The following CREBBP variants were observed in gnomAD, a reference collection of about 807,000 sequenced individuals.
CREBBP encodes CREB binding lysine acetyltransferase.
CREBBP carries 19 observed loss-of-function variants against 265.0 expected under a neutral mutation model. The ratio of observed to expected loss-of-function variants is 0.07; its 90% CI spans 0.05 to 0.11. The LOEUF (loss-of-function observed/expected upper bound fraction) is 0.11. Among genes scored for constraint, CREBBP ranks in the 10% least tolerant of loss-of-function variants. The probability of loss-of-function intolerance (pLI) is 1.00; values close to 1 mark genes in which losing one functional copy is unlikely to be tolerated. For synonymous variants in CREBBP, 1,457 were observed against 1,223.7 expected (o/e 1.19, Z -3.98); for missense variants, 2,525 against 3,219.0 (o/e 0.78, Z 5.22).
chr16:3,768,296 C>A (rs1366530223), intron 15 of CREBBP, among the ~76,000 whole-genome samples: 1 of 151,500 alleles, frequency 6.6e-6, no homozygotes, highest in Admixed American at 6.6e-5. Flanking sequence ...CACGTGTGTG[C>A]CACCACACTC....
At chr16:3,751,436 A>C (rs1346450421) in intron 20 of CREBBP, among the ~76,000 whole-genome samples, 3 of 152,118 alleles carry the variant, frequency 2.0e-5, no homozygotes, top group Non-Finnish European at 4.4e-5. Flanking sequence ...CAAAAAATAC[A>C]AAAAAATTAG....
rs757512971 is a variant in CREBBP at position 3,728,285 on chromosome 16, G to T, written c.6762C>A (p.Leu2254=). The T allele has an allele frequency of 6.2e-6, 10 of 1,612,096 alleles. No individual in the cohort carries two copies. The highest frequency in any genetic ancestry group is 3.4e-4 in the Middle Eastern group (2 of 5,930). Residue 2254 remains leucine (L), a synonymous_variant, in exon 31 of 31, where the codon CTC becomes CTA. Transcript: ENST00000262367. This position sits in a 1 kb window ranked among gnomAD's most constrained non-coding sequence, Gnocchi z 8.7. ...MQQQQRMQQH[L]PLQGSSMGQM... is the part of the protein sequence containing the mutation. ...GGCCCATGGAGCTGCCCTGGAGGGG[G>T]AGATGCTGCTGCATGCGCTGCTGCT...
At chr16:3,733,844 G>C (rs775132842) in intron 28 of CREBBP, among the ~76,000 whole-genome samples, 18 of 152,068 alleles carry the variant, frequency 1.2e-4, no homozygotes, top group Admixed American at 5.2e-4. Flanking sequence ...GTTTCACCAT[G>C]TTGGCCAAGC....
rs890004855 is a variant in CREBBP, at chr16:3,725,318, G to C, written c.*2400C>G. 5.6e-5 allele frequency: 13 copies of C among 233,184 alleles called. No homozygotes were observed. The highest frequency in any genetic ancestry group is 2.2e-4 in the African/African-American group (10 of 45,352). 14.4% of individuals were successfully genotyped at this position (233,184 alleles called of 1,614,324 possible). A position where few individuals can be genotyped will look rare whatever the true frequency, so the allele number is the denominator to read the frequency against. ...AGGATGCAGACTCCAAAGAGGATGA[G>C]GTTGGTACATAACGTTTTGAATTCC... On this transcript the variant is annotated 3_prime_UTR_variant, in exon 31 of 31. Transcript: ENST00000262367.
Position 3,850,735 on chromosome 16 carries a change from C to T in CREBBP, c.360G>A (p.Lys120=). The stretch of plus-strand genomic sequence containing the variant: ...AAGAATCTCCCTGGCTCAGAGGGCT[C>T]TTGCCCATGGCACTGAGGCTGGCCA... ...ANMASLSAMG[K]SPLSQGDSSA... is the part of the protein sequence containing the mutation. Residue 120 remains lysine (K), a synonymous_variant, in exon 2 of 31, where the codon AAG becomes AAA. Coordinates refer to ENST00000262367, the MANE Select transcript of CREBBP (RefSeq NM_004380.3). The T allele has an allele frequency of 6.2e-7, 1 of 1,614,126 alleles. No homozygotes were observed.
At chr16:3,739,796 C>A (rs2151338096) in intron 24 of CREBBP, 72 bp from the exon 25 acceptor site, 1 of 1,603,246 alleles carries the variant, frequency 6.2e-7, no homozygotes, top group Non-Finnish European at 8.5e-7. Flanking sequence ...ACCAGGCCTG[C>A]TCCTCTAACT....
At chr16:3,789,074 A>T (rs974678539) in intron 5 of CREBBP, among the ~76,000 whole-genome samples, 1 of 152,206 alleles carries the variant, frequency 6.6e-6, no homozygotes. Flanking sequence ...CTCTCAGTAG[A>T]GACATTAATC....
chr16:3,820,486 C>T (rs1046917736), intron 2 of CREBBP, among the ~76,000 whole-genome samples: 2 of 152,152 alleles, frequency 1.3e-5, no homozygotes, highest in Admixed American at 6.5e-5. Context: ...GGAAAATGTG[C>T]GGCCCCCAGG....
At chr16:3,776,002 C>T (rs991805285) in intron 11 of CREBBP, among the ~76,000 whole-genome samples, 3 of 151,998 alleles carry the variant, frequency 2.0e-5, no homozygotes, top group African/African-American at 7.3e-5. Flanking sequence ...CTGCAGCCTC[C>T]GCCTCCTGGG....
At chr16:3,785,185 A>C (rs888355382) in intron 5 of CREBBP, among the ~76,000 whole-genome samples, 12 of 152,154 alleles carry the variant, frequency 7.9e-5, no homozygotes, top group African/African-American at 2.9e-4. Flanking sequence ...CATCAACTGT[A>C]CTGCAACCTC....
intron 1 of CREBBP, among the ~76,000 whole-genome samples, chr16:3,859,036 T>TG (rs1480756488): frequency 8.5e-5 from 13 of 152,122 alleles, no homozygotes; most frequent in African/African-American, 2.9e-4. Flanking sequence ...CTATTTCCTG[T>TG]GAAAAAGGTC....
At chr16:3,831,525 A>G (rs1458831986) in intron 2 of CREBBP, among the ~76,000 whole-genome samples, 1 of 152,202 alleles carries the variant, frequency 6.6e-6, no homozygotes, top group Non-Finnish European at 1.5e-5. Flanking sequence ...AAGCCAACAT[A>G]AGCAGAAGAA....
chr16:3,837,039 C>G (rs1236540508), intron 2 of CREBBP, among the ~76,000 whole-genome samples: 2 of 152,314 alleles, frequency 1.3e-5, no homozygotes, highest in African/African-American at 4.8e-5. Context: ...GTATTTACTA[C>G]ACTTATTAGA....
chr16:3,811,639 G>T (rs1043962430), intron 2 of CREBBP, among the ~76,000 whole-genome samples: 3 of 152,000 alleles, frequency 2.0e-5, no homozygotes, highest in Non-Finnish European at 2.9e-5. Flanking sequence ...CTACAGGCAC[G>T]TGCCACCAGG....
Position 3,738,603 on chromosome 16 carries a change from G to A in CREBBP, c.4350C>T (p.Tyr1450=), listed in dbSNP as rs144832179. 1.6e-4 allele frequency: 257 copies of A among 1,613,748 alleles called. 1 individual carries two copies. The African/African-American group carries it at 3.0e-3, about 19-fold the overall frequency. ...CTAAATATCCAATAAGGATCTCATGGTAAACGGCTGTGCGGAGGCAACGTG... is the reference window on the plus strand; with the variant it reads ...CTAAATATCCAATAAGGATCTCATGATAAACGGCTGTGCGGAGGCAACGTG... ...FRPRCLRTAV[Y]HEILIGYLEY... The change falls in exon 26 of 31, where the codon TAC becomes TAT. Residue 1450 remains tyrosine, a synonymous_variant. Transcript: ENST00000262367.
In CREBBP at chr16:3,726,992, AAAG is replaced by A. The variant is rs967436804; in HGVS notation, c.*723_*725del. On this transcript the variant is annotated 3_prime_UTR_variant, in exon 31 of 31. Coordinates refer to ENST00000262367, the MANE Select transcript of CREBBP (RefSeq NM_004380.3). Reference sequence around the variant, plus strand: ...TTTCAAGTTTCACATAGAAGAAAGAAAAGAAGGCTTCTTCTCTAGTAACATTAG... The same window carrying A: ...TTTCAAGTTTCACATAGAAGAAAGAAAAGGCTTCTTCTCTAGTAACATTAG... 33 of 233,608 alleles carry A rather than the reference AAAG, an allele frequency of 1.4e-4. No individual in the cohort carries two copies. Among genetic ancestry groups the A allele is most frequent in the East Asian group, 4.8e-4 (8 of 16,582 alleles). 14.5% of individuals were successfully genotyped at this position (233,608 alleles called of 1,614,324 possible). A position where few individuals can be genotyped will look rare whatever the true frequency, so the allele number is the denominator to read the frequency against.
intron 2 of CREBBP, among the ~76,000 whole-genome samples, chr16:3,823,838 G>A (rs7202599): frequency 2.6e-5 from 4 of 152,072 alleles, no homozygotes; most frequent in African/African-American, 7.2e-5. Context: ...TTCCTATCGA[G>A]CAGCAGACCT....
intron 1 of CREBBP, among the ~76,000 whole-genome samples, chr16:3,875,097 C>G (rs1351097454): frequency 6.6e-6 from 1 of 152,226 alleles, no homozygotes; most frequent in African/African-American, 2.4e-5. Context: ...TGTGAAAACA[C>G]AGGCGACTAA....
At chr16:3,803,513 C>G (rs1471111598) in intron 3 of CREBBP, among the ~76,000 whole-genome samples, 1 of 151,630 alleles carries the variant, frequency 6.6e-6, no homozygotes, top group Non-Finnish European at 1.5e-5. Context: ...TCAACAACAA[C>G]AACAACAAAA....
Sources: allele counts gnomAD v4.1 joint callset (sites outside exome capture counted in the v4.1 genomes callset), GRCh38; gene constraint gnomAD v4.1.1; non-coding constraint Gnocchi (gnomAD v3.1); transcripts MANE v1.5; gene names NCBI Gene and HGNC (gene_info 2026-07-23, HGNC 2026-07-21).